The following COL6A3 variants were observed in gnomAD, a reference collection of about 807,000 sequenced individuals.
COL6A3 encodes the protein collagen alpha-3(VI) chain.
A neutral mutation model predicts 274.1 loss-of-function variants in COL6A3; 137 were observed. The observed-to-expected ratio is 0.50, with a 90% CI of 0.44 to 0.58. COL6A3 has a LOEUF of 0.58. Among genes scored for constraint, COL6A3 ranks in the 20% least tolerant of loss-of-function variants. The probability of loss-of-function intolerance (pLI) is 0.00; values close to 1 mark genes in which losing one functional copy is unlikely to be tolerated. For missense variants in COL6A3, 3,950 were observed against 4,124.9 expected (o/e 0.96, Z 1.16); for synonymous variants, 1,650 against 1,650.6 (o/e 1.00, Z 0.01).
Position 237,364,435 on chromosome 2 carries a change from A to G in COL6A3, c.5839-7T>C. 1 of 1,610,134 alleles carries G rather than the reference A, an allele frequency of 6.2e-7. No individual in the cohort carries two copies. The highest frequency in any genetic ancestry group is 8.5e-7 in the Non-Finnish European group (1 of 1,176,458). On this transcript the variant is annotated splice_polypyrimidine_tract_variant and splice_region_variant and intron_variant, in intron 12 of 43. Coordinates refer to ENST00000295550, the MANE Select transcript of COL6A3 (RefSeq NM_004369.4). The surrounding 1 kb of genome is among the most constrained non-coding windows in gnomAD (Gnocchi z 4.6). The stretch of plus-strand genomic sequence containing the variant: ...CAGTAAAATGAATGACCACCTGCAG[A>G]TAAGAGAGCTGTCAAATCCCAGGAA...
intron 37 of COL6A3, 128 bp from the exon 38 acceptor site, chr2:237,341,278 G>T: frequency 1.1e-6 from 1 of 901,290 alleles, no homozygotes; most frequent in Non-Finnish European, 1.8e-6. Context: ...GGAAGCGGTG[G>T]CTCACGCCTG....
chr2:237,385,515 A>C (rs1174094150), intron 4 of COL6A3, among the ~76,000 whole-genome samples: 1 of 152,216 alleles, frequency 6.6e-6, no homozygotes, highest in Non-Finnish European at 1.5e-5. Context: ...GAGAGGTTGC[A>C]TGACCTGCCC....
chr2:237,335,652 A>C (rs1290331338), intron 40 of COL6A3, among the ~76,000 whole-genome samples: 1 of 152,176 alleles, frequency 6.6e-6, no homozygotes, highest in East Asian at 1.9e-4. Flanking sequence ...TATGAGGCAG[A>C]GACAAAGTTT....
At chr2:237,388,808 A>C (rs1338704627) in intron 3 of COL6A3, among the ~76,000 whole-genome samples, 8 of 152,206 alleles carry the variant, frequency 5.3e-5, no homozygotes, top group African/African-American at 1.7e-4. Flanking sequence ...CTCAAACTAC[A>C]TTTAAAGTTT....
rs189151525 is a variant in COL6A3, at chr2:237,325,969, C to G, written c.9329-245G>C. On this transcript the variant is annotated intron_variant, in intron 42 of 43. Transcript: ENST00000295550. The stretch of plus-strand genomic sequence containing the variant: ...CAATGAAAGGGCTTCATAAACAGCA[C>G]TCAGAATCCCAAATGCTGGCAATGG... The G allele has an allele frequency of 9.2e-5, 37 of 401,848 alleles. No homozygotes were observed. In the East Asian group the frequency reaches 1.1e-3, roughly 12 times the overall value. The allele number at this position is 401,848 out of a possible 1,614,324, so 24.9% of individuals were successfully genotyped here.
Position 237,410,444 on chromosome 2 carries a change from G to A in COL6A3, c.-31+3509C>T, listed in dbSNP as rs545353921. On this transcript the variant is annotated intron_variant, in intron 1 of 43. Transcript: ENST00000295550. ...ACTCAGCCTCGTAGCTGAGATTACA[G>A]GCACATGCCACCATGCCTGGTTAAT... Among the ~76,000 whole-genome samples the A allele has an allele frequency of 4.0e-5, 6 of 151,838 alleles. No homozygotes were observed. The South Asian group carries it at 1.0e-3, about 26-fold the overall frequency.
At chr2:237,343,826 G>C (rs971425417) in intron 36 of COL6A3, 1 of 200,672 alleles carries the variant, frequency 5.0e-6, no homozygotes, top group Non-Finnish European at 1.0e-5. Flanking sequence ...ATGGGTTTCA[G>C]AGTCTAATGG....
chr2:237,402,812 C>A (rs1311474988), intron 1 of COL6A3, among the ~76,000 whole-genome samples: 1 of 152,102 alleles, frequency 6.6e-6, no homozygotes, highest in Non-Finnish European at 1.5e-5. Flanking sequence ...AAGGCCTGAG[C>A]TTTTGTATCT....
chr2:237,372,802 T>G lies in COL6A3; in HGVS notation c.3680-465A>C, dbSNP rs372241133. On this transcript the variant is annotated intron_variant, in intron 8 of 43. Transcript: ENST00000295550. ...AGATAAGTCTTTAGGAGACAGGTGC[T>G]GCTGGCAGGGGAAGTGGCGCATCAG... Among the ~76,000 whole-genome samples the G allele has an allele frequency of 4.6e-5, 7 of 152,194 alleles. No individual in the cohort carries two copies. The East Asian group carries it at 5.8e-4, about 13-fold the overall frequency.
chr2:237,373,602 C>T (rs867617982), intron 8 of COL6A3, among the ~76,000 whole-genome samples: 33 of 152,264 alleles, frequency 2.2e-4, no homozygotes, highest in African/African-American at 3.4e-4. Context: ...CTCCTTCCTC[C>T]GCTCCTCCCC....
rs953992267 is a variant in COL6A3, at chr2:237,364,803, A to G, written c.5839-375T>C. Among the ~76,000 whole-genome samples the G allele has an allele frequency of 2.0e-5, 2 of 97,920 alleles. No homozygotes were observed. The highest frequency in any genetic ancestry group is 3.2e-5 in the African/African-American group (1 of 31,370). The allele number at this position is 97,920 out of a possible 152,430, so 64.2% of individuals were successfully genotyped here. On this transcript the variant is annotated intron_variant, in intron 12 of 43. Transcript: ENST00000295550. The surrounding 1 kb of genome is among the most constrained non-coding windows in gnomAD (Gnocchi z 4.6). ...GTGTGTATGGGTGCATTGTGTGTGC[A>G]TGTGTGTGCACGTGTGTGTGCATGT... is the stretch of plus-strand genomic sequence containing the variant.
At position 237,366,935 on chromosome 2, in the gene COL6A3, G is replaced by A. The variant is rs201147199; in HGVS notation, c.5252C>T (p.Thr1751Met). ...QRVPQIAFVI[T>M]GGKSVEDAQD... is the part of the protein sequence containing the mutation. ...TGCATCTTCCACCGACTTTCCTCCC[G>A]TGATCACAAAGGCAATCTGAGGGAC... The change falls in exon 11 of 44, where the codon ACG becomes ATG. Residue 1751 changes from threonine (T) to methionine (M), a missense_variant. By Grantham distance (81) the Thr-to-Met change is moderately conservative. This residue lies in a region of COL6A3 where 632 missense variants were observed against 623.4 expected (regional missense o/e 1.01). Transcript: ENST00000295550. 40 of 1,614,210 alleles carry A rather than the reference G, an allele frequency of 2.5e-5. No homozygotes were observed. The highest frequency in any genetic ancestry group is 2.5e-4 in the East Asian group (11 of 44,890).
chr2:237,348,489 ACACT>A, intron 29 of COL6A3, 105 bp from the exon 30 acceptor site: 3 of 1,319,568 alleles, frequency 2.3e-6, no homozygotes, highest in Non-Finnish European at 3.3e-6. Flanking sequence ...TCAAACGAAA[ACACT>A]CACTCAAATA....
chr2:237,348,800 C>A (rs1383152159), intron 28 of COL6A3, 137 bp from the exon 29 acceptor site: 4 of 756,378 alleles, frequency 5.3e-6, no homozygotes, highest in Non-Finnish European at 9.4e-6. Context: ...CAGGAGTAGG[C>A]ACACTTCCTG....
intron 1 of COL6A3, among the ~76,000 whole-genome samples, chr2:237,398,447 T>A (rs1280562166): frequency 1.3e-5 from 2 of 152,180 alleles, no homozygotes; most frequent in Non-Finnish European, 2.9e-5. Flanking sequence ...CAATCTCCAA[T>A]CTAAGAGATC....
In COL6A3 at chr2:237,358,602, T is replaced by G; in HGVS notation, c.6409-19A>C. On this transcript the variant is annotated intron_variant, in intron 20 of 43. Coordinates refer to ENST00000295550, the MANE Select transcript of COL6A3 (RefSeq NM_004369.4). ...TATCACCCTAAAGAAAAAGCACAAGTGGATGCTAAAAACTAGATGTTTCCA... is the reference window on the plus strand; with the variant it reads ...TATCACCCTAAAGAAAAAGCACAAGGGGATGCTAAAAACTAGATGTTTCCA... 1.2e-6 allele frequency: 2 copies of G among 1,607,532 alleles called. No homozygotes were observed. Among genetic ancestry groups the G allele is most frequent in the Non-Finnish European group, 1.7e-6 (2 of 1,174,128 alleles).
rs543795014 is a variant in COL6A3, at chr2:237,341,937, T to TA, written c.7765+127dup. ...CTGCAGTAGTATTTACTCTGGTAAATACGAGGCTTTGTGAATCAATTGAAC... is the reference window on the plus strand; with the variant it reads ...CTGCAGTAGTATTTACTCTGGTAAATAACGAGGCTTTGTGAATCAATTGAAC... On this transcript the variant is annotated intron_variant, in intron 37 of 43. Coordinates refer to ENST00000295550, the MANE Select transcript of COL6A3 (RefSeq NM_004369.4). 3.8e-4 allele frequency: 305 copies of TA among 803,006 alleles called. 10 individuals are homozygous for TA. In the South Asian group the frequency reaches 4.4e-3, roughly 12 times the overall value. The allele number at this position is 803,006 out of a possible 1,614,324, so 49.7% of individuals were successfully genotyped here.
At chr2:237,392,852 A>G (rs1416402959) in intron 3 of COL6A3, among the ~76,000 whole-genome samples, 3 of 152,124 alleles carry the variant, frequency 2.0e-5, no homozygotes, top group Non-Finnish European at 4.4e-5. Context: ...CTGGCTCTCT[A>G]TAGTTCCTAC....
intron 7 of COL6A3, 113 bp from the exon 8 acceptor site, chr2:237,375,133 C>T (rs2077803438): frequency 7.3e-6 from 11 of 1,509,532 alleles, no homozygotes; most frequent in African/African-American, 2.7e-5. Flanking sequence ...AATCCCCGAA[C>T]TTGAGAAAAG....
Sources: gnomAD v4.1 joint callset for allele counts (sites outside exome capture counted in the v4.1 genomes callset) on GRCh38, gnomAD v4.1.1 for gene constraint, gnomAD v4.1.1 regional missense constraint, Gnocchi (gnomAD v3.1) non-coding constraint, MANE v1.5 for transcripts, NCBI Gene and HGNC (gene_info 2026-07-23, HGNC 2026-07-21) for gene names.